The following SYNE2 variants were observed in gnomAD, a reference collection of about 807,000 sequenced individuals.
The protein encoded by SYNE2 is nesprin-2.
SYNE2 carries 431 observed loss-of-function variants against 856.3 expected under a neutral mutation model. The observed-to-expected ratio is 0.50, with a 90% CI of 0.47 to 0.55. The LOEUF (loss-of-function observed/expected upper bound fraction) is 0.55, where lower values mean the gene tolerates loss of function less well. Among genes scored for constraint, SYNE2 ranks in the 20% least tolerant of loss-of-function variants. The pLI, the probability that SYNE2 is intolerant of heterozygous loss-of-function variation, is 0.00. For missense variants in SYNE2, 8,129 were observed against 8,023.2 expected (o/e 1.01, Z -0.50); for synonymous variants, 2,923 against 2,872.3 (o/e 1.02, Z -0.56).
At chr14:63,774,181 A>C (rs929485439) in intron 1 of SYNE2, among the ~76,000 whole-genome samples, 3 of 152,058 alleles carry the variant, frequency 2.0e-5, no homozygotes, top group Admixed American at 2.0e-4. Flanking sequence ...AAAAATACAA[A>C]AAATTGGGCA....
At chr14:63,895,245 C>T (rs1308872345) in intron 1 of SYNE2, among the ~76,000 whole-genome samples, 1 of 151,532 alleles carries the variant, frequency 6.6e-6, no homozygotes, top group Non-Finnish European at 1.5e-5. Context: ...GCTGGGACTA[C>T]AGGCGCCCGC....
Position 64,210,094 on chromosome 14 carries a change from G to T in SYNE2, c.18693G>T (p.Arg6231Ser), listed in dbSNP as rs1375004657. 6 of 1,613,986 alleles carry T rather than the reference G, an allele frequency of 3.7e-6. No individual in the cohort carries two copies. Among genetic ancestry groups the T allele is most frequent in the Non-Finnish European group, 3.4e-6 (4 of 1,179,948 alleles). ...EGNQRWDNLQ[R>S]RVTAVLRRLR... ...ACCAGCGCTGGGACAACCTTCAGAG[G>T]CGGGTCACAGCCGTCCTGCGGAGAC... Residue 6231 changes from arginine to serine, a missense_variant, in exon 103 of 116, where the codon AGG becomes AGT. By Grantham distance (110) the Arg-to-Ser change is moderately radical (BLOSUM62 -1). Transcript: ENST00000555002.
At chr14:64,165,259 T>G (rs771968587) in intron 89 of SYNE2, 26 bp from the exon 90 acceptor site, 1 of 1,610,340 alleles carries the variant, frequency 6.2e-7, no homozygotes, top group African/African-American at 1.3e-5. Flanking sequence ...GAAAATAGTT[T>G]CTAATGAAAA....
intron 1 of SYNE2, among the ~76,000 whole-genome samples, chr14:63,770,236 G>C (rs993408191): frequency 6.6e-6 from 1 of 152,066 alleles, no homozygotes; most frequent in Non-Finnish European, 1.5e-5. Context: ...GGAAAGATGT[G>C]ACATACTGCA....
At position 64,087,674 on chromosome 14, in the gene SYNE2, G is replaced by T. The variant is rs2097574430; in HGVS notation, c.11488G>T (p.Ala3830Ser). The T allele has an allele frequency of 1.2e-6, 2 of 1,613,810 alleles. No individual in the cohort carries two copies. Among genetic ancestry groups the T allele is most frequent in the African/African-American group, 1.3e-5 (1 of 74,894 alleles). Residue 3830 changes from alanine to serine, a missense_variant, in exon 58 of 116, where the codon GCT becomes TCT. This residue lies in a region of SYNE2 where 5,410 missense variants were observed against 5,284.8 expected (regional missense o/e 1.02). Transcript: ENST00000555002. ...LSHHASTVQM[A>S]LEDSEQKHNL... ...TTCCCATTCTGTGTTTATCTAGATG[G>T]CTTTGGAAGATTCAGAACAGAAGCA... is the stretch of plus-strand genomic sequence containing the variant.
chr14:63,994,967 ATATT>A, intron 22 of SYNE2, 73 bp from the exon 23 acceptor site: 5 of 951,448 alleles, frequency 5.3e-6, no homozygotes, highest in Non-Finnish European at 3.1e-6. Flanking sequence ...CACTACACAT[ATATT>A]TATTGTTACT....
At chr14:63,943,628 A>T (rs2095961548) in intron 6 of SYNE2, among the ~76,000 whole-genome samples, 1 of 151,542 alleles carries the variant, frequency 6.6e-6, no homozygotes, top group Non-Finnish European at 1.5e-5. Context: ...AGAGGCTTAA[A>T]TTGTATCTGT....
intron 1 of SYNE2, among the ~76,000 whole-genome samples, chr14:63,793,214 GC>G (rs1344308483): frequency 6.6e-6 from 1 of 152,130 alleles, no homozygotes; most frequent in African/African-American, 2.4e-5. Flanking sequence ...GACACACACA[GC>G]CACCTTGGCA....
chr14:64,089,511 AC>A, intron 58 of SYNE2, 62 bp from the exon 59 acceptor site: 1 of 1,516,738 alleles, frequency 6.6e-7, no homozygotes, highest in South Asian at 1.2e-5. Context: ...ATGCCAATAA[AC>A]TGTTTTATAG....
chr14:63,998,680 G>C (rs1333601774), intron 26 of SYNE2, among the ~76,000 whole-genome samples: 2 of 152,150 alleles, frequency 1.3e-5, no homozygotes, highest in East Asian at 3.9e-4. Flanking sequence ...TCCTGCCTCA[G>C]CCTCCTGAGT....
chr14:64,189,791 C>T (rs1292022976), intron 98 of SYNE2, among the ~76,000 whole-genome samples: 1 of 152,068 alleles, frequency 6.6e-6, no homozygotes, highest in Non-Finnish European at 1.5e-5. Context: ...CCCACCTCAG[C>T]CACCTGAGTA....
At chr14:64,170,994 G>A (rs2098407839) in intron 94 of SYNE2, among the ~76,000 whole-genome samples, 1 of 152,142 alleles carries the variant, frequency 6.6e-6, no homozygotes, top group South Asian at 2.1e-4. Context: ...AAGGATAAAT[G>A]CTTGAGGGGA....
chr14:63,970,999 G>C (rs2096467878), intron 11 of SYNE2, among the ~76,000 whole-genome samples: 1 of 151,684 alleles, frequency 6.6e-6, no homozygotes, highest in South Asian at 2.1e-4. Context: ...CGTTTTTTAA[G>C]AATTCCATTT....
chr14:64,184,330 G>GTGTGTGTGTA (rs2098477656), intron 96 of SYNE2, among the ~76,000 whole-genome samples: 1 of 19,744 alleles, frequency 5.1e-5, no homozygotes, highest in Admixed American at 3.7e-4. Context: ...ATGCATAGGG[G>GTGTGTGTGTA]TGTGTGTGTG....
At chr14:64,151,805 G>A (rs2098246800) in intron 84 of SYNE2, among the ~76,000 whole-genome samples, 1 of 152,180 alleles carries the variant, frequency 6.6e-6, no homozygotes, top group South Asian at 2.1e-4. Flanking sequence ...TCTTTGTAAT[G>A]AGCATGTAAT....
Position 64,170,425 on chromosome 14 carries a change from G to C in SYNE2, c.17198G>C (p.Ser5733Thr). 1 of 1,613,884 alleles carries C rather than the reference G, an allele frequency of 6.2e-7. No homozygotes were observed. The change falls in exon 94 of 116, where the codon AGC becomes ACC. Residue 5733 changes from serine (S) to threonine (T), a missense_variant. Physicochemically the swap from Ser to Thr is moderately conservative, Grantham distance 58. Coordinates refer to ENST00000555002, the MANE Select transcript of SYNE2 (RefSeq NM_182914.3). ...LSAVKGQERF[S>T]LYQTRSLIHE... ...GCAGTGAAGGGCCAGGAGCGCTTCA[G>C]CCTCTACCAAACCAGAAGTCTGATC...
chr14:64,112,861 A>G (rs1431998577), intron 65 of SYNE2, among the ~76,000 whole-genome samples: 1 of 152,254 alleles, frequency 6.6e-6, no homozygotes, highest in South Asian at 2.1e-4. Flanking sequence ...GAAGATGTCA[A>G]GTTAAAATTA....
intron 1 of SYNE2, among the ~76,000 whole-genome samples, chr14:63,870,723 CA>C (rs1896624122): frequency 1.3e-5 from 2 of 150,870 alleles, no homozygotes; most frequent in Admixed American, 1.3e-4. Context: ...GAATTTGAAC[CA>C]GGGGTCAGAC....
rs1198798280 is a variant in SYNE2, at chr14:64,070,852, G to T, written c.10639G>T (p.Ala3547Ser). The T allele has an allele frequency of 4.3e-6, 7 of 1,614,046 alleles. No individual in the cohort carries two copies. The African/African-American group carries it at 9.3e-5, about 22-fold the overall frequency. Residue 3547 changes from alanine to serine, a missense_variant, in exon 52 of 116, where the codon GCT becomes TCT. Physicochemically the swap from Ala to Ser is moderately conservative, Grantham distance 99. Transcript: ENST00000555002. ...SIQNVPESSGAVETVPAFQEI... is the reference protein window; with the variant it reads ...SIQNVPESSGSVETVPAFQEI... ...CCAGAATGTTCCTGAAAGCTCAGGG[G>T]CTGTGGAAACTGTTCCAGCATTTCA...
Sources: allele counts gnomAD v4.1 joint callset (sites outside exome capture counted in the v4.1 genomes callset), GRCh38; gene constraint gnomAD v4.1.1; regional missense constraint gnomAD v4.1.1; transcripts MANE v1.5; gene names NCBI Gene and HGNC (gene_info 2026-07-23, HGNC 2026-07-21).